GNAT3: variants seen among roughly 807,000 people sequenced by gnomAD.
The protein encoded by GNAT3 is guanine nucleotide-binding protein G(t) subunit alpha-3.
Under a neutral mutation model 37.7 loss-of-function variants are expected in GNAT3, and 31 were observed. The observed-to-expected ratio is 0.82, with a 90% CI of 0.62 to 1.11. The LOEUF (loss-of-function observed/expected upper bound fraction) is 1.11. Ranked by LOEUF, GNAT3 falls within the 50% of genes most tolerant of loss-of-function variation. The pLI is 0.00. For missense variants in GNAT3, 437 were observed against 412.5 expected (o/e 1.06, Z -0.51); for synonymous variants, 138 against 139.8 (o/e 0.99, Z 0.09).
chr7:80,462,654 T>A (rs199715648), intron 5 of GNAT3, 23 bp from the exon 6 acceptor site: 4 of 1,597,870 alleles, frequency 2.5e-6, no homozygotes, highest in Non-Finnish European at 3.4e-6. Flanking sequence ...ATCAAATGAA[T>A]AATAAATCTT....
chr7:80,492,840 AATT>A (rs945786090), intron 2 of GNAT3, among the ~76,000 whole-genome samples: 2 of 151,650 alleles, frequency 1.3e-5, no homozygotes, highest in African/African-American at 4.8e-5. Context: ...AATTTTTTAA[AATT>A]ATTGTTTGTC....
In GNAT3 at chr7:80,506,708, T is replaced by C. The variant is rs939397903; in HGVS notation, c.118+5101A>G. On this transcript the variant is annotated intron_variant, in intron 1 of 7. Transcript: ENST00000398291. ...TAAGAATATTCATGCATCCCAAAGA[T>C]TGGATACCTCTAGAAACATAAAATA... Among the ~76,000 whole-genome samples, 7 of 152,262 alleles carry C rather than the reference T, an allele frequency of 4.6e-5. 1 individual carries two copies. In the East Asian group the frequency reaches 1.2e-3, roughly 25 times the overall value.
At chr7:80,474,760 G>A (rs184536633) in intron 4 of GNAT3, among the ~76,000 whole-genome samples, 370 of 152,172 alleles carry the variant, frequency 2.4e-3, no homozygotes, top group African/African-American at 8.0e-3. Flanking sequence ...ATGGATAGGA[G>A]TATGAAAGAA....
At chr7:80,505,342 C>A (rs1399274001) in intron 1 of GNAT3, among the ~76,000 whole-genome samples, 1 of 151,992 alleles carries the variant, frequency 6.6e-6, no homozygotes, top group Non-Finnish European at 1.5e-5. Context: ...ATATAAAATT[C>A]TGGTTAGAGA....
intron 2 of GNAT3, among the ~76,000 whole-genome samples, chr7:80,490,063 T>C (rs1157139735): frequency 2.6e-5 from 4 of 152,126 alleles, no homozygotes; most frequent in African/African-American, 9.7e-5. Context: ...GCACTCCAAC[T>C]GCAAAGTTGG....
At chr7:80,501,464 A>G (rs1790833258) in intron 1 of GNAT3, among the ~76,000 whole-genome samples, 1 of 152,012 alleles carries the variant, frequency 6.6e-6, no homozygotes, top group Non-Finnish European at 1.5e-5. Context: ...TACTATTTGC[A>G]TGCTTAAGAA....
In GNAT3 at chr7:80,488,675, T is replaced by A. The variant is rs1336820240; in HGVS notation, c.163A>T (p.Ile55Phe). 1 of 1,566,456 alleles carries A rather than the reference T, an allele frequency of 6.4e-7. No homozygotes were observed. The highest frequency in any genetic ancestry group is 1.2e-5 in the South Asian group (1 of 85,440). ...TCACTGTAACCATTCTTATGGATGA[T>A]CCTATAATTTAAACATGAAAAGTTT... ...GKSTIVKQMK[I>F]IHKNGYSEQE... The change falls in exon 3 of 8, where the codon ATC (isoleucine) becomes TTC (phenylalanine). Residue 55 changes from isoleucine (I) to phenylalanine (F), a missense_variant and splice_region_variant. Ile to Phe is a conservative substitution (Grantham distance 21). Transcript: ENST00000398291.
rs762400740 is a variant in GNAT3 at position 80,462,483 on chromosome 7, G to C, written c.720+19C>G. 1 of 1,609,086 alleles carries C rather than the reference G, an allele frequency of 6.2e-7. No individual in the cohort carries two copies. Among genetic ancestry groups the C allele is most frequent in the Non-Finnish European group, 8.5e-7 (1 of 1,178,468 alleles). On this transcript the variant is annotated intron_variant, in intron 6 of 7. Transcript: ENST00000398291. Reference sequence around the variant, plus strand: ...AAAGATTACTTTTAACCCTGGCTTTGTTTTTCCTTTAGACTTACCACTTCT... The same window carrying C: ...AAAGATTACTTTTAACCCTGGCTTTCTTTTTCCTTTAGACTTACCACTTCT...
chr7:80,460,523 G>A (rs1265597478), intron 7 of GNAT3, among the ~76,000 whole-genome samples: 2 of 152,098 alleles, frequency 1.3e-5, no homozygotes. Flanking sequence ...GAGGGCGGAT[G>A]GATCATCTGA....
intron 3 of GNAT3, among the ~76,000 whole-genome samples, chr7:80,482,664 C>A (rs535767174): frequency 6.0e-5 from 9 of 150,098 alleles, no homozygotes; most frequent in African/African-American, 2.2e-4. Flanking sequence ...CAGGTGCACA[C>A]CACCACACCC....
intron 5 of GNAT3, among the ~76,000 whole-genome samples, chr7:80,469,931 G>A (rs1433687341): frequency 3.3e-5 from 5 of 152,070 alleles, no homozygotes; most frequent in Non-Finnish European, 7.4e-5. Flanking sequence ...ACTTAAAACT[G>A]TATTTAAATA....
intron 7 of GNAT3, among the ~76,000 whole-genome samples, chr7:80,461,528 A>T: frequency 6.6e-6 from 1 of 152,158 alleles, no homozygotes; most frequent in East Asian, 1.9e-4. Flanking sequence ...TCAAAAAAGA[A>T]AAATAAATAT....
intron 5 of GNAT3, among the ~76,000 whole-genome samples, chr7:80,472,716 C>A (rs965373744): frequency 6.6e-6 from 1 of 152,116 alleles, no homozygotes; most frequent in African/African-American, 2.4e-5. Flanking sequence ...CAATCTAGGA[C>A]ACAGAGAGTT....
chr7:80,478,870 A>G lies in GNAT3; in HGVS notation c.432T>C (p.Ser144=). The change falls in exon 4 of 8, where the codon TCT becomes TCC. Residue 144 remains serine, a synonymous_variant. Coordinates refer to ENST00000398291, the MANE Select transcript of GNAT3 (RefSeq NM_001102386.3). Reference sequence around the variant, plus strand: ...CTGCTGAGTCATTGAGCTGATATTCAGATGCCCTTTCAAAGCAGGCCTGAA... The same window carrying G: ...CTGCTGAGTCATTGAGCTGATATTCGGATGCCCTTTCAAAGCAGGCCTGAA... ...PGIQACFERA[S]EYQLNDSAAY... 1 of 1,613,336 alleles carries G rather than the reference A, an allele frequency of 6.2e-7. No homozygotes were observed. The highest frequency in any genetic ancestry group is 1.1e-5 in the South Asian group (1 of 91,056).
chr7:80,471,369 G>A (rs1790215937), intron 5 of GNAT3, among the ~76,000 whole-genome samples: 1 of 151,536 alleles, frequency 6.6e-6, no homozygotes, highest in Non-Finnish European at 1.5e-5. Context: ...ATCCAATTAA[G>A]TTGACACTCA....
rs867276049 is a variant in GNAT3 at position 80,494,537 on chromosome 7, A to G, written c.161+68T>C. 2.4e-6 allele frequency: 2 copies of G among 847,840 alleles called. 1 individual carries two copies. The allele number at this position is 847,840 out of a possible 1,614,324, so 52.5% of individuals were successfully genotyped here. A position where few individuals can be genotyped will look rare whatever the true frequency, so the allele number is the denominator to read the frequency against. On this transcript the variant is annotated intron_variant, in intron 2 of 7. Coordinates refer to ENST00000398291, the MANE Select transcript of GNAT3 (RefSeq NM_001102386.3). ...TCAATCAGCATTTACAAAAGCATGT[A>G]TTTTAAGAATGGTCAAATACATGGA... is the stretch of plus-strand genomic sequence containing the variant.
intron 2 of GNAT3, among the ~76,000 whole-genome samples, chr7:80,490,674 C>A (rs1224530179): frequency 1.3e-5 from 2 of 152,172 alleles, no homozygotes; most frequent in Non-Finnish European, 2.9e-5. Context: ...GTAAGCACTT[C>A]ATCTGTCTTA....
chr7:80,483,385 G>A (rs968618904), intron 3 of GNAT3, among the ~76,000 whole-genome samples: 16 of 151,846 alleles, frequency 1.1e-4, no homozygotes, highest in Admixed American at 1.3e-4. Flanking sequence ...TTAAAGGATT[G>A]AGCCTACCCA....
chr7:80,505,263 G>C (rs1328923767), intron 1 of GNAT3, among the ~76,000 whole-genome samples: 1 of 152,170 alleles, frequency 6.6e-6, no homozygotes, highest in African/African-American at 2.4e-5. Flanking sequence ...GACTGGCCCT[G>C]TTTAAAAGGA....
Sources: gnomAD v4.1 joint callset for allele counts (sites outside exome capture counted in the v4.1 genomes callset) on GRCh38, gnomAD v4.1.1 for gene constraint, MANE v1.5 for transcripts, NCBI Gene and HGNC (gene_info 2026-07-23, HGNC 2026-07-21) for gene names.